The following MDN1 variants were observed in gnomAD, a reference collection of about 807,000 sequenced individuals.
The protein encoded by MDN1 is midasin.
Under a neutral mutation model 669.2 loss-of-function variants are expected in MDN1, and 266 were observed. The observed-to-expected ratio is 0.40, with a 90% CI of 0.36 to 0.44. MDN1 has a LOEUF of 0.44. Ranked by LOEUF, MDN1 falls within the 20% of genes least tolerant of loss-of-function variation. MDN1 has a pLI of 1.00. For synonymous variants in MDN1, 2,385 were observed against 2,457.1 expected (o/e 0.97, Z 0.87); for missense variants, 5,940 against 6,754.0 (o/e 0.88, Z 4.22).
In MDN1 at chr6:89,652,199, G is replaced by A. The variant is rs1293677916; in HGVS notation, c.15908C>T (p.Pro5303Leu). The A allele has an allele frequency of 6.2e-7, 1 of 1,613,576 alleles. No homozygotes were observed. ...EMWQPRESGN[P>L]EEEKVAAEMW... is the part of the protein sequence containing the mutation. ...CAGTGAGCAGTGACTTACCTCCTCT[G>A]GGTTTCCAGATTCACGTGGCTGCCA... is the stretch of plus-strand genomic sequence containing the variant. The change falls in exon 95 of 102, where the codon CCA becomes CTA. Residue 5303 changes from proline (P) to leucine (L), a missense_variant. Physicochemically the swap from Pro to Leu is moderately conservative, Grantham distance 98. Around this residue, in one of 5 missense-constraint regions of MDN1, gnomAD observed 2,280 missense variants for 2,576.3 expected, o/e 0.88. Coordinates refer to ENST00000369393, the MANE Select transcript of MDN1 (RefSeq NM_014611.3).
chr6:89,700,007 C>T, intron 57 of MDN1, 56 bp downstream of exon 57: 4 of 1,491,696 alleles, frequency 2.7e-6, no homozygotes, highest in African/African-American at 2.8e-5. Flanking sequence ...ATAGGATACA[C>T]AGAATAATCA....
intron 77 of MDN1, 95 bp from the exon 78 acceptor site, chr6:89,675,674 C>A (rs1811132379): frequency 9.3e-6 from 9 of 963,448 alleles, no homozygotes; most frequent in Non-Finnish European, 1.3e-5. Flanking sequence ...AAGCGTCAGA[C>A]ATGCCACACT....
rs1809846366 is a variant in MDN1 at position 89,662,289 on chromosome 6, T to A, written c.14413-50A>T. On this transcript the variant is annotated intron_variant, in intron 86 of 101. Coordinates refer to ENST00000369393, the MANE Select transcript of MDN1 (RefSeq NM_014611.3). Reference sequence around the variant, plus strand: ...AATCATCACACTCAATCCAAGAAACTGCTTCTGCATGGGTTGACTTTTAGA... The same window carrying A: ...AATCATCACACTCAATCCAAGAAACAGCTTCTGCATGGGTTGACTTTTAGA... 4 of 1,563,448 alleles carry A rather than the reference T, an allele frequency of 2.6e-6. 1 individual carries two copies. In the South Asian group the frequency reaches 4.8e-5, roughly 19 times the overall value.
At chr6:89,759,051 C>CG in intron 17 of MDN1, 91 bp from the exon 18 acceptor site, 1 of 1,324,636 alleles carries the variant, frequency 7.5e-7, no homozygotes. Flanking sequence ...GAAATAGAGG[C>CG]GGGGCAAATC....
intron 84 of MDN1, among the ~76,000 whole-genome samples, chr6:89,664,956 A>G (rs1414835838): frequency 2.6e-5 from 4 of 152,176 alleles, no homozygotes; most frequent in African/African-American, 9.7e-5. Flanking sequence ...TTTTGTCACT[A>G]TTATCGCTGA....
chr6:89,798,204 A>AAAGT (rs1819715770), intron 2 of MDN1, among the ~76,000 whole-genome samples: 2 of 146,312 alleles, frequency 1.4e-5, no homozygotes, highest in Non-Finnish European at 3.0e-5. Flanking sequence ...AAAAAAAAAG[A>AAAGT]AAGAAAGTCA....
At chr6:89,767,886 A>G (rs1562197951) in intron 15 of MDN1, among the ~76,000 whole-genome samples, 1 of 151,712 alleles carries the variant, frequency 6.6e-6, no homozygotes, top group Non-Finnish European at 1.5e-5. Flanking sequence ...TAAAGTTCAA[A>G]AAAAATTAGC....
intron 84 of MDN1, among the ~76,000 whole-genome samples, chr6:89,667,472 C>T (rs1001286681): frequency 6.6e-6 from 1 of 151,950 alleles, no homozygotes; most frequent in African/African-American, 2.4e-5. Context: ...AGTGATACAC[C>T]CAATACACAT....
At chr6:89,674,720 C>T (rs1159351581) in intron 78 of MDN1, 131 bp from the exon 79 acceptor site, 1 of 1,267,236 alleles carries the variant, frequency 7.9e-7, no homozygotes, top group Non-Finnish European at 1.1e-6. Flanking sequence ...GAAGAATCCC[C>T]CAGATAGGTA....
At chr6:89,667,892 G>T in intron 84 of MDN1, 122 bp downstream of exon 84, 1 of 1,241,112 alleles carries the variant, frequency 8.1e-7, no homozygotes, top group Non-Finnish European at 1.1e-6. Context: ...AATATATCTA[G>T]GGCTCTGTAG....
rs138679434 is a variant in MDN1, at chr6:89,771,876, T to C, written c.2084-255A>G. 7.2e-5 allele frequency among the ~76,000 whole-genome samples: 11 copies of C among 152,182 alleles called. No individual in the cohort carries two copies. In the East Asian group the frequency reaches 2.1e-3, roughly 29 times the overall value. ...CATATACAACCAGACTTGGCTAATT[T>C]TTGTAATTTTTTGTAGAGACAGGGT... is the stretch of plus-strand genomic sequence containing the variant. On this transcript the variant is annotated intron_variant, in intron 14 of 101. Transcript: ENST00000369393.
chr6:89,647,990 T>C (rs966952487), intron 99 of MDN1, 42 bp downstream of exon 99: 1 of 1,466,778 alleles, frequency 6.8e-7, no homozygotes, highest in Admixed American at 1.7e-5. Flanking sequence ...TACACCAGTT[T>C]AAAAATAACT....
intron 93 of MDN1, among the ~76,000 whole-genome samples, chr6:89,653,731 T>C (rs1407806337): frequency 2.6e-5 from 4 of 152,236 alleles, no homozygotes; most frequent in African/African-American, 4.8e-5. Context: ...AAGTAATTAA[T>C]AGAACTTGGT....
In MDN1 at chr6:89,675,554, C is replaced by T; in HGVS notation, c.12671G>A (p.Arg4224Lys). ...CAAATGTGCTGAGAACCCTCTGCAC[C>T]TCTCCACGTTGCCCATGCCCATTTC... is the stretch of plus-strand genomic sequence containing the variant. ...AKEMGMGNVERCRGFSAHLMK... is the reference protein window; with the variant it reads ...AKEMGMGNVEKCRGFSAHLMK... The change falls in exon 78 of 102, where the codon AGG becomes AAG. Residue 4224 changes from arginine (R) to lysine (K), a missense_variant. By Grantham distance (26) the Arg-to-Lys change is conservative. Transcript: ENST00000369393. 1 of 1,613,914 alleles carries T rather than the reference C, an allele frequency of 6.2e-7. No individual in the cohort carries two copies. Among genetic ancestry groups the T allele is most frequent in the Non-Finnish European group, 8.5e-7 (1 of 1,179,988 alleles).
At chr6:89,803,094 C>T (rs1410723014) in intron 2 of MDN1, among the ~76,000 whole-genome samples, 1 of 152,144 alleles carries the variant, frequency 6.6e-6, no homozygotes, top group Non-Finnish European at 1.5e-5. Context: ...CATATCCTGG[C>T]CATCTTTCCA....
At chr6:89,759,589 C>T (rs1286624712) in intron 17 of MDN1, among the ~76,000 whole-genome samples, 1 of 151,956 alleles carries the variant, frequency 6.6e-6, no homozygotes, top group Non-Finnish European at 1.5e-5. Flanking sequence ...CATAGTGAAA[C>T]CCCATCTCTA....
intron 83 of MDN1, among the ~76,000 whole-genome samples, chr6:89,670,131 CA>C (rs1315301055): frequency 5.7e-5 from 5 of 88,084 alleles, no homozygotes; most frequent in Non-Finnish European, 1.0e-4. Flanking sequence ...ACTCTGTCTC[CA>C]AAAAAACATA....
At chr6:89,776,845 C>A in intron 11 of MDN1, 150 bp from the exon 12 acceptor site, 1 of 479,610 alleles carries the variant, frequency 2.1e-6, no homozygotes, top group Middle Eastern at 5.6e-4. Flanking sequence ...AGGTACCAAC[C>A]CAGGACTGAG....
At chr6:89,773,598 A>T (rs1474384912) in intron 13 of MDN1, among the ~76,000 whole-genome samples, 1 of 151,972 alleles carries the variant, frequency 6.6e-6, no homozygotes, top group Non-Finnish European at 1.5e-5. Flanking sequence ...GAAGGGCCAC[A>T]TGACAACAGA....
Sources: gnomAD v4.1 joint callset for allele counts (sites outside exome capture counted in the v4.1 genomes callset) on GRCh38, gnomAD v4.1.1 for gene constraint, gnomAD v4.1.1 regional missense constraint, MANE v1.5 for transcripts, NCBI Gene and HGNC (gene_info 2026-07-23, HGNC 2026-07-21) for gene names.